Variants in CHCHD6 observed in about 807,000 individuals in gnomAD.
The protein encoded by CHCHD6 is coiled-coil-helix-coiled-coil-helix domain containing 6.
A neutral mutation model predicts 32.3 loss-of-function variants in CHCHD6; 28 were observed. The ratio of observed to expected loss-of-function variants is 0.87; its 90% CI spans 0.64 to 1.19. The LOEUF (loss-of-function observed/expected upper bound fraction) is 1.19, where lower values mean the gene tolerates loss of function less well. Ranked by LOEUF, CHCHD6 falls within the 50% of genes most tolerant of loss-of-function variation. The pLI, the probability that CHCHD6 is intolerant of heterozygous loss-of-function variation, is 0.00. For missense variants in CHCHD6, 333 were observed against 307.0 expected, an observed-to-expected ratio of 1.08 and a Z score of -0.63; for synonymous variants, 122 against 117.5, an observed-to-expected ratio of 1.04 and a Z score of -0.25.
chr3:126,932,885 CT>C (rs112043517), intron 6 of CHCHD6, among the ~76,000 whole-genome samples: 17,782 of 152,206 alleles, frequency 0.12, 1,201 homozygotes, highest in South Asian at 0.28. Flanking sequence ...AGCAGCAGCC[CT>C]GGCTGCCGCT....
At chr3:126,888,209 C>T (rs558548757) in intron 5 of CHCHD6, among the ~76,000 whole-genome samples, 175 of 152,262 alleles carry the variant, frequency 1.1e-3, no homozygotes, top group African/African-American at 4.1e-3. Context: ...GCTGGAGGCC[C>T]TCCGGACTCT....
At chr3:126,735,884 G>C (rs905274436) in intron 4 of CHCHD6, among the ~76,000 whole-genome samples, 5 of 152,188 alleles carry the variant, frequency 3.3e-5, no homozygotes, top group African/African-American at 7.2e-5. Flanking sequence ...TATTGGAAAG[G>C]CATCTCCTAT....
At chr3:126,845,173 G>A (rs545299509) in intron 4 of CHCHD6, among the ~76,000 whole-genome samples, 9 of 152,128 alleles carry the variant, frequency 5.9e-5, no homozygotes, top group African/African-American at 1.9e-4. Flanking sequence ...AATTTCTGAT[G>A]TGACTATTTA....
chr3:126,819,791 G>C (rs372882769), intron 4 of CHCHD6, among the ~76,000 whole-genome samples: 1 of 152,232 alleles, frequency 6.6e-6, no homozygotes, highest in African/African-American at 2.4e-5. Flanking sequence ...TCACTGTGGC[G>C]TAGAGAACAT....
At chr3:126,930,740 C>T (rs1012401623) in intron 6 of CHCHD6, among the ~76,000 whole-genome samples, 7 of 152,304 alleles carry the variant, frequency 4.6e-5, no homozygotes, top group Middle Eastern at 6.8e-3. Flanking sequence ...AGTAAGGAAA[C>T]CTCTATCCAT....
intron 5 of CHCHD6, among the ~76,000 whole-genome samples, chr3:126,874,357 C>T (rs1014054284): frequency 3.3e-5 from 5 of 152,176 alleles, no homozygotes; most frequent in African/African-American, 7.2e-5. Context: ...GAACATTGCA[C>T]GTGCCAGTGT....
rs142374237 is a variant in CHCHD6 at position 126,939,544 on chromosome 3, A to T, written c.567-17872A>T. Among the ~76,000 whole-genome samples the T allele has an allele frequency of 6.1e-3, 934 of 152,304 alleles. 7 individuals carry two copies. The highest frequency in any genetic ancestry group is 0.021 in the African/African-American group (880 of 41,572). ...CAGGAGATGTGGGGGGACACAGTAC[A>T]CCAGCAGCAAAGAAGAATGCCTGTA... On this transcript the variant is annotated intron_variant, in intron 6 of 7. Transcript: ENST00000290913.
At chr3:126,755,257 AGCTGGGAATGG>A (rs1936906242) in intron 4 of CHCHD6, among the ~76,000 whole-genome samples, 2 of 152,320 alleles carry the variant, frequency 1.3e-5, no homozygotes, top group South Asian at 4.1e-4. Context: ...AGGGATCAAC[AGCTGGGAATGG>A]GTTTTTGAGG....
At chr3:126,862,663 C>T (rs375061848) in intron 5 of CHCHD6, among the ~76,000 whole-genome samples, 84 of 79,104 alleles carry the variant, frequency 1.1e-3, no homozygotes, top group African/African-American at 3.8e-3. Context: ...CACCACCTCC[C>T]CCTCCTCCAC....
intron 4 of CHCHD6, among the ~76,000 whole-genome samples, chr3:126,760,573 T>C (rs931347045): frequency 1.3e-5 from 2 of 152,250 alleles, no homozygotes; most frequent in African/African-American, 4.8e-5. Flanking sequence ...AGGGACCTTA[T>C]ATAAGTGGAA....
chr3:126,894,432 CAT>C (rs1199089676), intron 5 of CHCHD6, among the ~76,000 whole-genome samples: 2 of 152,218 alleles, frequency 1.3e-5, no homozygotes, highest in African/African-American at 4.8e-5. Flanking sequence ...AGACATTAAA[CAT>C]AGGGAGAAAG....
intron 1 of CHCHD6, among the ~76,000 whole-genome samples, chr3:126,709,145 ATTATC>A (rs1357210565): frequency 1.3e-5 from 2 of 152,178 alleles, no homozygotes; most frequent in African/African-American, 4.8e-5. Context: ...TTTTTGGTAT[ATTATC>A]TTTTATTGTT....
chr3:126,957,457 A>T lies in CHCHD6; in HGVS notation c.608A>T (p.Gln203Leu). 6.2e-7 allele frequency: 1 copy of T among 1,611,328 alleles called. No individual in the cohort carries two copies. Among genetic ancestry groups the T allele is most frequent in the Non-Finnish European group, 8.5e-7 (1 of 1,179,100 alleles). Residue 203 changes from glutamine to leucine, a missense_variant, in exon 7 of 8, where the codon CAG becomes CTG. Physicochemically the swap from Gln to Leu is moderately radical, Grantham distance 113. Transcript: ENST00000290913. The part of the protein sequence containing the change: ...VEPVCSGLQA[Q>L]ILHCYRDRPH... ...CCCGTCTGCTCAGGGTTGCAGGCCCAGATTCTCCACTGCTACCGAGATCGC... is the reference window on the plus strand; with the variant it reads ...CCCGTCTGCTCAGGGTTGCAGGCCCTGATTCTCCACTGCTACCGAGATCGC...
At chr3:126,746,375 C>T (rs922735286) in intron 4 of CHCHD6, among the ~76,000 whole-genome samples, 1 of 152,136 alleles carries the variant, frequency 6.6e-6, no homozygotes, top group Non-Finnish European at 1.5e-5. Flanking sequence ...GGGTGCCTTC[C>T]CTAACACATA....
intron 2 of CHCHD6, among the ~76,000 whole-genome samples, chr3:126,728,640 A>G (rs975051693): frequency 3.9e-5 from 6 of 152,212 alleles, no homozygotes; most frequent in African/African-American, 1.4e-4. Context: ...ACTTGACCCA[A>G]TGCACTTTAA....
chr3:126,936,691 G>T (rs1315404846), intron 6 of CHCHD6, among the ~76,000 whole-genome samples: 2 of 152,084 alleles, frequency 1.3e-5, no homozygotes, highest in African/African-American at 4.8e-5. Flanking sequence ...AAGTAGCTGG[G>T]TTTACAGGCA....
chr3:126,868,904 G>A (rs1293563234), intron 5 of CHCHD6, among the ~76,000 whole-genome samples: 1 of 152,158 alleles, frequency 6.6e-6, no homozygotes, highest in Non-Finnish European at 1.5e-5. Flanking sequence ...AAGGCTTTTG[G>A]TTGCCAGATT....
intron 4 of CHCHD6, among the ~76,000 whole-genome samples, chr3:126,746,828 C>T (rs949366955): frequency 9.2e-5 from 14 of 152,100 alleles, no homozygotes; most frequent in Non-Finnish European, 1.5e-5. Context: ...TTTTCCTTTC[C>T]CCTTCTTGAT....
intron 7 of CHCHD6, chr3:126,957,863 T>A: frequency 2.2e-6 from 1 of 460,348 alleles, no homozygotes; most frequent in Non-Finnish European, 4.0e-6. Context: ...CCCTTGTGGG[T>A]GCCGGGGACT....
Sources: gnomAD v4.1 joint callset for allele counts (sites outside exome capture counted in the v4.1 genomes callset) on GRCh38, gnomAD v4.1.1 for gene constraint, MANE v1.5 for transcripts, NCBI Gene and HGNC (gene_info 2026-07-23, HGNC 2026-07-21) for gene names.